The following NEDD9 variants were observed in gnomAD, a reference collection of about 807,000 sequenced individuals.
NEDD9 encodes the protein enhancer of filamentation 1.
NEDD9 carries 26 observed loss-of-function variants against 76.6 expected under a neutral mutation model. The observed-to-expected ratio is 0.34, with a 90% CI of 0.25 to 0.47. The LOEUF (loss-of-function observed/expected upper bound fraction) is 0.47, where lower values mean the gene tolerates loss of function less well. Among genes scored for constraint, NEDD9 ranks in the 20% least tolerant of loss-of-function variants. NEDD9 has a pLI of 1.00. For synonymous variants in NEDD9, 392 were observed against 414.2 expected (o/e 0.95, Z 0.65); for missense variants, 937 against 1,058.5 (o/e 0.89, Z 1.59).
chr6:11,202,645 T>C (rs1052812423), intron 2 of NEDD9, among the ~76,000 whole-genome samples: 2 of 152,234 alleles, frequency 1.3e-5, no homozygotes, highest in Non-Finnish European at 2.9e-5. Context: ...AGCTTGGGTG[T>C]AGCAGTGAGC....
At chr6:11,210,736 G>T (rs1353285525) in intron 2 of NEDD9, among the ~76,000 whole-genome samples, 1 of 143,224 alleles carries the variant, frequency 7.0e-6, no homozygotes, top group Non-Finnish European at 1.5e-5. Context: ...AGGGAGGAAG[G>T]GAGGGAGAGG....
At chr6:11,362,882 G>C (rs1762702440) in intron 1 of NEDD9, among the ~76,000 whole-genome samples, 1 of 152,164 alleles carries the variant, frequency 6.6e-6, no homozygotes, top group Non-Finnish European at 1.5e-5. Flanking sequence ...TCATTTATTG[G>C]AAGGGACAGA....
chr6:11,232,737 G>T, upstream of NEDD9: 1 of 1,423,902 alleles, frequency 7.0e-7, no homozygotes. Flanking sequence ...CCATTGGCTA[G>T]TGGGACAAGG....
chr6:11,319,371 A>T (rs1761688952), intron 2 of NEDD9, among the ~76,000 whole-genome samples: 1 of 151,124 alleles, frequency 6.6e-6, no homozygotes, highest in Admixed American at 6.7e-5. Flanking sequence ...GCACACTAAC[A>T]TACACACAAG....
intron 3 of NEDD9, among the ~76,000 whole-genome samples, chr6:11,243,904 T>A (rs928047311): frequency 1.3e-5 from 2 of 152,208 alleles, no homozygotes; most frequent in African/African-American, 4.8e-5. Context: ...ATTGGGATGA[T>A]TAATTTTATG....
chr6:11,265,461 T>C (rs1293496136), intron 3 of NEDD9, among the ~76,000 whole-genome samples: 1 of 152,268 alleles, frequency 6.6e-6, no homozygotes, highest in African/African-American at 2.4e-5. Context: ...AAATCTATGC[T>C]TAAAGTTTTC....
chr6:11,342,982 G>A (rs1384501616), intron 1 of NEDD9, among the ~76,000 whole-genome samples: 1 of 152,092 alleles, frequency 6.6e-6, no homozygotes, highest in Admixed American at 6.6e-5. Flanking sequence ...AAGAAAGAGG[G>A]ACGTTTCAAG....
intron 2 of NEDD9, among the ~76,000 whole-genome samples, chr6:11,212,045 A>T (rs1758800076): frequency 6.6e-6 from 1 of 152,216 alleles, no homozygotes; most frequent in East Asian, 1.9e-4. Flanking sequence ...TGTTTTTTCA[A>T]CAGAGGATTC....
chr6:11,269,221 G>A (rs1760256607), intron 3 of NEDD9, among the ~76,000 whole-genome samples: 1 of 152,304 alleles, frequency 6.6e-6, no homozygotes, highest in African/African-American at 2.4e-5. Context: ...CATTCTAGCT[G>A]CTGTGACAAT....
intron 1 of NEDD9, among the ~76,000 whole-genome samples, chr6:11,361,395 C>T (rs1459432156): frequency 2.6e-5 from 4 of 152,132 alleles, no homozygotes; most frequent in Admixed American, 6.5e-5. Context: ...ACAATCATGG[C>T]GGAAGGTAGA....
Position 11,190,466 on chromosome 6 carries a change from C to G in NEDD9, c.1403G>C (p.Gly468Ala). 1 of 1,614,178 alleles carries G rather than the reference C, an allele frequency of 6.2e-7. No homozygotes were observed. The highest frequency in any genetic ancestry group is 8.5e-7 in the Non-Finnish European group (1 of 1,180,022). The change falls in exon 5 of 7, where the codon GGA becomes GCA. Residue 468 changes from glycine to alanine, a missense_variant. By Grantham distance (60) the Gly-to-Ala change is moderately conservative (BLOSUM62 0). Coordinates refer to ENST00000379446, the MANE Select transcript of NEDD9 (RefSeq NM_006403.4). The surrounding 1 kb of genome is among the most constrained non-coding windows in gnomAD (Gnocchi z 5.8). ...GAGGCAGGCAGCATTTGCAACAGCT[C>G]CCTTGACAAAGTGGAGGTACTCCTT... ...FLKEYLHFVK[G>A]AVANAACLPE...
At chr6:11,249,261 T>C in intron 3 of NEDD9, 1 of 436,016 alleles carries the variant, frequency 2.3e-6, no homozygotes, top group Non-Finnish European at 4.6e-6. Flanking sequence ...TAAGTTTGAC[T>C]GTGAGTAACA....
At chr6:11,272,988 CA>C (rs1760342398) in intron 3 of NEDD9, among the ~76,000 whole-genome samples, 1 of 152,006 alleles carries the variant, frequency 6.6e-6, no homozygotes, top group African/African-American at 2.4e-5. Flanking sequence ...CTGTCTGTGC[CA>C]AAACACCGCC....
chr6:11,349,260 A>T (rs1292476790), intron 1 of NEDD9, among the ~76,000 whole-genome samples: 1 of 151,636 alleles, frequency 6.6e-6, no homozygotes, highest in Non-Finnish European at 1.5e-5. Flanking sequence ...AACAAAAAAT[A>T]AAAAAATAAC....
chr6:11,329,762 G>T (rs549642981), intron 2 of NEDD9, among the ~76,000 whole-genome samples: 2 of 151,988 alleles, frequency 1.3e-5, no homozygotes, highest in African/African-American at 4.8e-5. Flanking sequence ...CAACTGGGTG[G>T]GGGGGGCGGT....
intron 3 of NEDD9, among the ~76,000 whole-genome samples, chr6:11,290,744 A>G (rs536239356): frequency 3.3e-5 from 5 of 152,184 alleles, no homozygotes; most frequent in Non-Finnish European, 7.4e-5. Context: ...GTCACTGACT[A>G]GCTGTGGGTA....
chr6:11,321,402 G>A (rs1761799694), intron 2 of NEDD9, among the ~76,000 whole-genome samples: 1 of 152,224 alleles, frequency 6.6e-6, no homozygotes, highest in African/African-American at 2.4e-5. Flanking sequence ...ATCACAGAAA[G>A]CTATTCAAAA....
At chr6:11,283,220 C>T (rs903560221) in intron 3 of NEDD9, among the ~76,000 whole-genome samples, 5 of 152,274 alleles carry the variant, frequency 3.3e-5, no homozygotes, top group Non-Finnish European at 7.4e-5. Flanking sequence ...CATCTCTTTA[C>T]CCTATTTTAT....
chr6:11,355,647 T>C (rs1189664960), intron 1 of NEDD9, among the ~76,000 whole-genome samples: 1 of 152,196 alleles, frequency 6.6e-6, no homozygotes, highest in Non-Finnish European at 1.5e-5. Flanking sequence ...ATGGGGCGTA[T>C]GTGGCAGGAG....
Sources: gnomAD v4.1 joint callset for allele counts (sites outside exome capture counted in the v4.1 genomes callset) on GRCh38, gnomAD v4.1.1 for gene constraint, Gnocchi (gnomAD v3.1) non-coding constraint, MANE v1.5 for transcripts, NCBI Gene and HGNC (gene_info 2026-07-23, HGNC 2026-07-21) for gene names.